The following CELF4 variants were observed in gnomAD, a reference collection of about 807,000 sequenced individuals.
CELF4 encodes CUG-BP- and ETR-3-like factor 4.
CELF4 carries 18 observed loss-of-function variants against 59.9 expected under a neutral mutation model. That is an observed-to-expected ratio of 0.30 (90% CI 0.21 to 0.45). The LOEUF (loss-of-function observed/expected upper bound fraction) is 0.45. Among genes scored for constraint, CELF4 ranks in the 20% least tolerant of loss-of-function variants. CELF4 has a pLI of 1.00. For synonymous variants in CELF4, 261 were observed against 267.1 expected, an observed-to-expected ratio of 0.98 and a Z score of 0.22; for missense variants, 456 against 689.0, an observed-to-expected ratio of 0.66 and a Z score of 3.79.
At chr18:37,471,445 G>A (rs137882458) in intron 2 of CELF4, among the ~76,000 whole-genome samples, 53 of 152,148 alleles carry the variant, frequency 3.5e-4, no homozygotes, top group African/African-American at 8.4e-4. Flanking sequence ...GCTAAGTCCC[G>A]TCCCCAAGCC....
At chr18:37,551,752 T>C (rs888892182) in intron 1 of CELF4, among the ~76,000 whole-genome samples, 79 of 152,280 alleles carry the variant, frequency 5.2e-4, no homozygotes, top group African/African-American at 1.9e-3. Flanking sequence ...TTGGGACAGC[T>C]GAAGGACACT....
At chr18:37,560,903 C>T (rs1239202961) in intron 1 of CELF4, among the ~76,000 whole-genome samples, 1 of 152,212 alleles carries the variant, frequency 6.6e-6, no homozygotes, top group Non-Finnish European at 1.5e-5. Flanking sequence ...AAATACAAGA[C>T]ATAATTTTAT....
chr18:37,317,856 G>C (rs906147250), intron 3 of CELF4, among the ~76,000 whole-genome samples: 3 of 152,108 alleles, frequency 2.0e-5, no homozygotes, highest in African/African-American at 7.2e-5. Context: ...CCCATCCCTA[G>C]ACACCCCCAC....
intron 2 of CELF4, among the ~76,000 whole-genome samples, chr18:37,470,911 A>G: frequency 6.6e-6 from 1 of 150,554 alleles, no homozygotes; most frequent in Admixed American, 6.6e-5. Context: ...AGAGAGAGAG[A>G]GAGAGAGAGG....
intron 2 of CELF4, among the ~76,000 whole-genome samples, chr18:37,335,176 G>A (rs796149435): frequency 6.6e-5 from 10 of 152,092 alleles, no homozygotes; most frequent in South Asian, 2.1e-4. Context: ...CAACAGCCGC[G>A]CACCGCCATC....
chr18:37,511,422 C>T (rs561732078), intron 1 of CELF4, among the ~76,000 whole-genome samples: 77 of 152,212 alleles, frequency 5.1e-4, no homozygotes, highest in African/African-American at 1.8e-3. Flanking sequence ...CTTGGCATTC[C>T]CCAGGCTCTC....
At chr18:37,400,538 C>G (rs560634734) in intron 2 of CELF4, among the ~76,000 whole-genome samples, 1 of 152,172 alleles carries the variant, frequency 6.6e-6, no homozygotes, top group Non-Finnish European at 1.5e-5. Context: ...TTCCAGTAAA[C>G]GGAGAAGAAT....
intron 2 of CELF4, among the ~76,000 whole-genome samples, chr18:37,439,428 T>C (rs908966472): frequency 1.3e-5 from 2 of 152,188 alleles, no homozygotes; most frequent in African/African-American, 4.8e-5. Flanking sequence ...TGTGTGTGTG[T>C]GCATGTGTGC....
At chr18:37,378,415 CTT>C (rs2098997081) in intron 2 of CELF4, among the ~76,000 whole-genome samples, 1 of 152,020 alleles carries the variant, frequency 6.6e-6, no homozygotes, top group African/African-American at 2.4e-5. Context: ...ATTCCCCCGA[CTT>C]TACAATTTCC....
chr18:37,403,294 C>T (rs1303540679), intron 2 of CELF4, among the ~76,000 whole-genome samples: 2 of 152,152 alleles, frequency 1.3e-5, no homozygotes, highest in Non-Finnish European at 2.9e-5. Flanking sequence ...CCACTGTCTC[C>T]CTGCCCCCCT....
In CELF4 at chr18:37,246,806, C is replaced by T. The variant is rs1293796372; in HGVS notation, c.*45-1609G>A. The stretch of plus-strand genomic sequence containing the variant: ...TAATGGTTTGCACAGGTAAATGATC[C>T]CATGTTTGATAATTCAGGAATTCAT... On this transcript the variant is annotated intron_variant, in intron 12 of 12. Coordinates refer to ENST00000420428, the MANE Select transcript of CELF4 (RefSeq NM_020180.4). The surrounding 1 kb of genome is among the most constrained non-coding windows in gnomAD (Gnocchi z 5.3). 6.6e-6 allele frequency: 1 copy of T among 151,834 alleles called. No individual in the cohort carries two copies. The highest frequency in any genetic ancestry group is 1.5e-5 in the Non-Finnish European group (1 of 67,982). 9.4% of individuals were successfully genotyped at this position (151,834 alleles called of 1,614,324 possible).
At chr18:37,377,296 G>T (rs1014236821) in intron 2 of CELF4, among the ~76,000 whole-genome samples, 16 of 152,154 alleles carry the variant, frequency 1.1e-4, no homozygotes, top group Admixed American at 6.5e-5. Context: ...GCAGGACCCT[G>T]AGGTCTACAT....
At chr18:37,451,739 G>A (rs924731754) in intron 2 of CELF4, among the ~76,000 whole-genome samples, 4 of 152,144 alleles carry the variant, frequency 2.6e-5, no homozygotes, top group South Asian at 2.1e-4. Flanking sequence ...CAGACATGAC[G>A]TGGGACAGCG....
At chr18:37,448,985 G>T (rs2099755844) in intron 2 of CELF4, among the ~76,000 whole-genome samples, 1 of 152,186 alleles carries the variant, frequency 6.6e-6, no homozygotes, top group Admixed American at 6.5e-5. Flanking sequence ...CAATGGGTTT[G>T]TCCAAGCAGG....
intron 2 of CELF4, among the ~76,000 whole-genome samples, chr18:37,463,094 G>A (rs1467770696): frequency 6.6e-6 from 1 of 152,210 alleles, no homozygotes; most frequent in Non-Finnish European, 1.5e-5. Flanking sequence ...AGTCCCTAGA[G>A]AACCTTCTCC....
At chr18:37,444,652 A>ACACACACACACGCGCGCG (rs71168259) in intron 2 of CELF4, among the ~76,000 whole-genome samples, 2 of 144,184 alleles carry the variant, frequency 1.4e-5, no homozygotes, top group African/African-American at 5.2e-5. Flanking sequence ...ACACACACAC[A>ACACACACACACGCGCGCG]CGCGAACGAT....
chr18:37,402,445 G>A (rs1200058858), intron 2 of CELF4, among the ~76,000 whole-genome samples: 1 of 152,106 alleles, frequency 6.6e-6, no homozygotes. Context: ...CCAGGGAGCT[G>A]CCCCTTCTCT....
At chr18:37,451,368 G>A (rs1370629793) in intron 2 of CELF4, among the ~76,000 whole-genome samples, 3 of 149,986 alleles carry the variant, frequency 2.0e-5, no homozygotes, top group Non-Finnish European at 2.9e-5. Flanking sequence ...ATCTGTGCGT[G>A]TGTGTATGCT....
At chr18:37,514,321 G>A (rs537258741) in intron 1 of CELF4, among the ~76,000 whole-genome samples, 2 of 152,226 alleles carry the variant, frequency 1.3e-5, no homozygotes, top group Admixed American at 6.5e-5. Context: ...GGGAACCAAA[G>A]CTTCCTGCAA....
Sources: gnomAD v4.1 joint callset for allele counts (sites outside exome capture counted in the v4.1 genomes callset) on GRCh38, gnomAD v4.1.1 for gene constraint, Gnocchi (gnomAD v3.1) non-coding constraint, MANE v1.5 for transcripts, NCBI Gene and HGNC (gene_info 2026-07-23, HGNC 2026-07-21) for gene names.